The following ACTR10 variants were observed in gnomAD, a reference collection of about 807,000 sequenced individuals.
ACTR10 encodes actin-related protein 10.
In ACTR10, 43 loss-of-function variants were observed where a neutral mutation model predicts 56.2. That is an observed-to-expected ratio of 0.77 (90% CI 0.60 to 0.99). The LOEUF is 0.99. Among genes scored for constraint, ACTR10 ranks in the 50% least tolerant of loss-of-function variants. The pLI is 0.00. For missense variants in ACTR10, 466 were observed against 507.8 expected (o/e 0.92, Z 0.79); for synonymous variants, 170 against 176.3 (o/e 0.96, Z 0.28).
chr14:58,201,256 C>G (rs563623795), intron 1 of ACTR10, among the ~76,000 whole-genome samples: 1 of 152,138 alleles, frequency 6.6e-6, no homozygotes, highest in Admixed American at 6.5e-5. Context: ...ATGACATTCT[C>G]TTATTGTTCT....
rs747061041 is a variant in ACTR10, at chr14:58,231,067, C to CT, written c.870+594dup. The CT allele has an allele frequency of 1.7e-4, 47 of 276,718 alleles. 1 individual carries two copies. The highest frequency in any genetic ancestry group is 1.5e-3 in the East Asian group (14 of 9,272). The allele number at this position is 276,718 out of a possible 1,614,324, so 17.1% of individuals were successfully genotyped here. A position where few individuals can be genotyped will look rare whatever the true frequency, so the allele number is the denominator to read the frequency against. ...CCACCGCACCTGGCCTTTTTTTTCT[C>CT]TTTTTTTGACAGTGTTGCTCTTGTT... On this transcript the variant is annotated intron_variant, in intron 11 of 12. Coordinates refer to ENST00000254286, the MANE Select transcript of ACTR10 (RefSeq NM_018477.3).
In ACTR10 at chr14:58,208,084, T is replaced by C. The variant is rs1052304354; in HGVS notation, c.233+66T>C. The C allele has an allele frequency of 5.0e-6, 7 of 1,408,482 alleles. No homozygotes were observed. The African/African-American group carries it at 7.6e-5, about 15-fold the overall frequency. 87.2% of individuals were successfully genotyped at this position (1,408,482 alleles called of 1,614,324 possible). ...ATTTTCCTAATGCCATAGTGATAAT[T>C]GGTTGTGTTACAGCTGAGGCCAAAA... On this transcript the variant is annotated intron_variant, in intron 3 of 12. Transcript: ENST00000254286.
chr14:58,214,979 A>G (rs1254884212), intron 6 of ACTR10, among the ~76,000 whole-genome samples: 1 of 151,502 alleles, frequency 6.6e-6, no homozygotes, highest in African/African-American at 2.4e-5. Context: ...GGTGGCGGGC[A>G]CCTGTAATCC....
At chr14:58,234,217 AT>A (rs1415545010) in intron 12 of ACTR10, among the ~76,000 whole-genome samples, 152 bp from the exon 13 acceptor site, 3 of 152,234 alleles carry the variant, frequency 2.0e-5, no homozygotes, top group Non-Finnish European at 4.4e-5. Context: ...AAAATAAAGA[AT>A]GGCTTAACTG....
At chr14:58,208,922 T>C in intron 3 of ACTR10, 77 bp from the exon 4 acceptor site, 1 of 896,842 alleles carries the variant, frequency 1.1e-6, no homozygotes, top group Non-Finnish European at 1.8e-6. Flanking sequence ...TAGTACAGTT[T>C]CACTGTTCTT....
intron 8 of ACTR10, among the ~76,000 whole-genome samples, chr14:58,220,591 C>T (rs534177588): frequency 3.4e-4 from 51 of 152,106 alleles, no homozygotes; most frequent in Non-Finnish European, 5.4e-4. Flanking sequence ...TTCTATCCTC[C>T]GTGATATAAC....
chr14:58,207,937 C>G lies in ACTR10; in HGVS notation c.152C>G (p.Pro51Arg). Residue 51 changes from proline (P) to arginine (R), a missense_variant and splice_region_variant, in exon 3 of 13, where the codon CCT becomes CGT. Physicochemically the swap from Pro to Arg is moderately radical, Grantham distance 103 (BLOSUM62 -2). Coordinates refer to ENST00000254286, the MANE Select transcript of ACTR10 (RefSeq NM_018477.3). ...ATAAATCATTTTAATTTTTTACAGC[C>G]TGTCAGAGTTGTTCAGTATAATATC... is the stretch of plus-strand genomic sequence containing the variant. ...SVIKRAGMPK[P>R]VRVVQYNINT... The G allele has an allele frequency of 6.9e-7, 1 of 1,440,730 alleles. No homozygotes were observed. The highest frequency in any genetic ancestry group is 1.6e-5 in the South Asian group (1 of 63,004). 89.2% of individuals were successfully genotyped at this position (1,440,730 alleles called of 1,614,324 possible).
chr14:58,228,557 T>G (rs1889454429), intron 10 of ACTR10, among the ~76,000 whole-genome samples: 1 of 150,386 alleles, frequency 6.6e-6, no homozygotes, highest in Non-Finnish European at 1.5e-5. Flanking sequence ...GGGAGGCTGA[T>G]CCGGGATCAC....
intron 5 of ACTR10, 129 bp downstream of exon 5, chr14:58,211,528 A>C: frequency 4.8e-6 from 3 of 626,840 alleles, no homozygotes; most frequent in Non-Finnish European, 5.5e-6. Flanking sequence ...ATGAATTACA[A>C]TGTGGAAAAA....
At chr14:58,224,036 T>C (rs1889343571) in intron 10 of ACTR10, among the ~76,000 whole-genome samples, 180 bp downstream of exon 10, 1 of 152,116 alleles carries the variant, frequency 6.6e-6, no homozygotes, top group Admixed American at 6.6e-5. Flanking sequence ...GGTCTTGCTG[T>C]GTTGCCCAGG....
At chr14:58,221,716 G>A (rs1454790322) in intron 8 of ACTR10, among the ~76,000 whole-genome samples, 29 of 152,094 alleles carry the variant, frequency 1.9e-4, no homozygotes, top group Admixed American at 1.9e-3. Flanking sequence ...ACTCCAGCGT[G>A]GATGACAGAG....
At chr14:58,206,829 A>C (rs1398792959) in intron 2 of ACTR10, among the ~76,000 whole-genome samples, 1 of 152,194 alleles carries the variant, frequency 6.6e-6, no homozygotes, top group Non-Finnish European at 1.5e-5. Flanking sequence ...ATTTGAAGAA[A>C]GATATATCAT....
chr14:58,228,299 A>T (rs1208737851), intron 10 of ACTR10, among the ~76,000 whole-genome samples: 2 of 152,168 alleles, frequency 1.3e-5, no homozygotes, highest in African/African-American at 4.8e-5. Flanking sequence ...GAAGGGAAAG[A>T]AGGAAGTACT....
chr14:58,220,720 A>G (rs1362260172), intron 8 of ACTR10, among the ~76,000 whole-genome samples: 2 of 152,234 alleles, frequency 1.3e-5, no homozygotes, highest in Admixed American at 1.3e-4. Context: ...GACATCTGGT[A>G]TTAGTGAGAT....
chr14:58,216,523 A>C (rs1889138304), intron 7 of ACTR10, among the ~76,000 whole-genome samples: 2 of 152,198 alleles, frequency 1.3e-5, no homozygotes, highest in Non-Finnish European at 2.9e-5. Flanking sequence ...TGTTGGATAT[A>C]AATGTTTCTT....
chr14:58,207,870 C>T (rs972219116), intron 2 of ACTR10, 66 bp from the exon 3 acceptor site: 3 of 967,116 alleles, frequency 3.1e-6, no homozygotes, highest in African/African-American at 3.5e-5. Context: ...TAAATAATTA[C>T]ATTTTAATCT....
At chr14:58,206,355 G>A (rs996514852) in intron 2 of ACTR10, among the ~76,000 whole-genome samples, 1 of 139,322 alleles carries the variant, frequency 7.2e-6, no homozygotes, top group South Asian at 2.3e-4. Context: ...TTTTTTTTTT[G>A]TATTTTTAGT....
intron 8 of ACTR10, 147 bp from the exon 9 acceptor site, chr14:58,223,475 A>T (rs2140058463): frequency 2.8e-6 from 2 of 714,508 alleles, no homozygotes; most frequent in South Asian, 4.1e-5. Flanking sequence ...TTGTTAGCTA[A>T]CTAAAGATGG....
chr14:58,200,329 A>C, intron 1 of ACTR10, 35 bp downstream of exon 1: 1 of 1,463,412 alleles, frequency 6.8e-7, no homozygotes, highest in Admixed American at 2.7e-5. Flanking sequence ...GTTCGACCCG[A>C]GGGGAGGGCG....
Sources: gnomAD v4.1 joint callset for allele counts (sites outside exome capture counted in the v4.1 genomes callset) on GRCh38, gnomAD v4.1.1 for gene constraint, MANE v1.5 for transcripts, NCBI Gene and HGNC (gene_info 2026-07-23, HGNC 2026-07-21) for gene names.